PLCB1: variants seen among roughly 807,000 people sequenced by gnomAD.
The protein encoded by PLCB1 is 1-phosphatidylinositol 4,5-bisphosphate phosphodiesterase beta-1.
Under a neutral mutation model 161.8 loss-of-function variants are expected in PLCB1, and 46 were observed. The observed-to-expected ratio is 0.28, with a 90% CI of 0.22 to 0.36. The LOEUF (loss-of-function observed/expected upper bound fraction) is 0.36. Among genes scored for constraint, PLCB1 ranks in the 10% least tolerant of loss-of-function variants. The pLI is 1.00. For missense variants in PLCB1, 1,016 were observed against 1,472.5 expected (o/e 0.69, Z 5.07); for synonymous variants, 517 against 503.7 (o/e 1.03, Z -0.35).
intron 3 of PLCB1, among the ~76,000 whole-genome samples, chr20:8,535,105 TAAAAA>T (rs10560220): frequency 1.4e-4 from 15 of 108,294 alleles, no homozygotes; most frequent in East Asian, 5.4e-4. Flanking sequence ...AGTTTTAAAG[TAAAAA>T]AAAAAAAAAA....
At chr20:8,665,170 A>G (rs1243705115) in intron 9 of PLCB1, among the ~76,000 whole-genome samples, 1 of 152,172 alleles carries the variant, frequency 6.6e-6, no homozygotes. Context: ...TTCAGAAATC[A>G]TTCATTCATT....
intron 9 of PLCB1, among the ~76,000 whole-genome samples, chr20:8,676,407 A>AAG (rs1990076512): frequency 6.7e-6 from 1 of 150,070 alleles, no homozygotes; most frequent in African/African-American, 2.5e-5. Context: ...GAAAGAAAGA[A>AAG]AGAAAGAGAA....
At chr20:8,300,985 C>T (rs1983884503) in intron 2 of PLCB1, among the ~76,000 whole-genome samples, 1 of 152,170 alleles carries the variant, frequency 6.6e-6, no homozygotes, top group Admixed American at 6.6e-5. Flanking sequence ...TGTACCAGTT[C>T]CCGAGGCTGT....
chr20:8,516,572 C>G (rs1374958223), intron 3 of PLCB1, among the ~76,000 whole-genome samples: 1 of 150,346 alleles, frequency 6.7e-6, no homozygotes, highest in African/African-American at 2.4e-5. Flanking sequence ...TCATAACATG[C>G]TAAATAGCCA....
In PLCB1 at chr20:8,883,867, C is replaced by T. The variant is rs1429453621; in HGVS notation, c.*2018C>T. The T allele has an allele frequency of 2.6e-5, 4 of 152,276 alleles. No individual in the cohort carries two copies. The highest frequency in any genetic ancestry group is 2.1e-4 in the South Asian group (1 of 4,818). The allele number at this position is 152,276 out of a possible 1,614,324, so 9.4% of individuals were successfully genotyped here. On this transcript the variant is annotated 3_prime_UTR_variant, in exon 32 of 32. Coordinates refer to ENST00000338037, the MANE Select transcript of PLCB1 (RefSeq NM_015192.4). The stretch of plus-strand genomic sequence containing the variant: ...CTACTTTTGCACTTTGAAAGAAAGG[C>T]GTTAATCATAAAGAAGCAAGAATGG...
intron 3 of PLCB1, among the ~76,000 whole-genome samples, chr20:8,418,778 T>A (rs1979409084): frequency 6.6e-6 from 1 of 152,122 alleles, no homozygotes; most frequent in Admixed American, 6.6e-5. Context: ...GAGGCATGGG[T>A]TGGCTGAAAC....
In PLCB1 at chr20:8,644,676, C is replaced by A. The variant is rs553131474; in HGVS notation, c.385-1426C>A. Among the ~76,000 whole-genome samples the A allele has an allele frequency of 3.4e-5, 5 of 149,020 alleles. No homozygotes were observed. The South Asian group carries it at 1.1e-3, about 33-fold the overall frequency. ...CTGGGAAGTGAGGAGCGTCTCCGCCCGGCAGCCGCCCCGTCCGGGAGGGAG... is the reference window on the plus strand; with the variant it reads ...CTGGGAAGTGAGGAGCGTCTCCGCCAGGCAGCCGCCCCGTCCGGGAGGGAG... On this transcript the variant is annotated intron_variant, in intron 4 of 31. Coordinates refer to ENST00000338037, the MANE Select transcript of PLCB1 (RefSeq NM_015192.4).
chr20:8,750,662 A>G, intron 23 of PLCB1: 1 of 366,116 alleles, frequency 2.7e-6, no homozygotes, highest in Non-Finnish European at 5.3e-6. Context: ...TTTCTTAGAA[A>G]TATGAGGCAG....
chr20:8,167,798 C>T (rs1342730905), intron 2 of PLCB1, among the ~76,000 whole-genome samples: 2 of 152,106 alleles, frequency 1.3e-5, no homozygotes, highest in African/African-American at 2.4e-5. Context: ...TAGCAAACCA[C>T]CCCAAAACTT....
intron 3 of PLCB1, among the ~76,000 whole-genome samples, chr20:8,436,022 C>T (rs1039583076): frequency 6.6e-6 from 1 of 152,144 alleles, no homozygotes; most frequent in Non-Finnish European, 1.5e-5. Flanking sequence ...TTCTCTACTT[C>T]TCTTGGAAGT....
chr20:8,133,294 C>T (rs902145829), intron 1 of PLCB1, among the ~76,000 whole-genome samples: 1 of 152,156 alleles, frequency 6.6e-6, no homozygotes, highest in Non-Finnish European at 1.5e-5. Context: ...TGATGCCAAA[C>T]TTCAGCGCCT....
At chr20:8,194,931 A>G (rs574003462) in intron 2 of PLCB1, among the ~76,000 whole-genome samples, 1 of 152,134 alleles carries the variant, frequency 6.6e-6, no homozygotes, top group African/African-American at 2.4e-5. Flanking sequence ...AAGCAGTGTA[A>G]TAACACCACT....
chr20:8,275,286 T>TGTGTGA (rs773003102), intron 2 of PLCB1, among the ~76,000 whole-genome samples: 28 of 151,724 alleles, frequency 1.8e-4, no homozygotes, highest in African/African-American at 5.6e-4. Context: ...TGTGTGTGTG[T>TGTGTGA]GAAGCGGCAC....
At chr20:8,246,629 T>G (rs1980893765) in intron 2 of PLCB1, among the ~76,000 whole-genome samples, 1 of 151,978 alleles carries the variant, frequency 6.6e-6, no homozygotes, top group Non-Finnish European at 1.5e-5. Flanking sequence ...GCTATTTCAT[T>G]CAGTGTAGGA....
chr20:8,736,122 C>T (rs182384191), intron 19 of PLCB1, among the ~76,000 whole-genome samples: 3 of 152,310 alleles, frequency 2.0e-5, no homozygotes, highest in Non-Finnish European at 4.4e-5. Flanking sequence ...CTTGTAACCA[C>T]ATAACCCAGA....
chr20:8,637,195 C>T (rs1235563464), intron 4 of PLCB1, among the ~76,000 whole-genome samples: 2 of 152,152 alleles, frequency 1.3e-5, no homozygotes, highest in African/African-American at 4.8e-5. Context: ...CACCTACTAC[C>T]TTGATATTGG....
intron 3 of PLCB1, among the ~76,000 whole-genome samples, chr20:8,550,195 G>A (rs889189916): frequency 1.3e-5 from 2 of 152,168 alleles, no homozygotes; most frequent in Middle Eastern, 3.2e-3. Flanking sequence ...GCTGGAATGA[G>A]TTAAGACTTT....
At chr20:8,230,353 C>T (rs1979962938) in intron 2 of PLCB1, among the ~76,000 whole-genome samples, 1 of 152,090 alleles carries the variant, frequency 6.6e-6, no homozygotes, top group Non-Finnish European at 1.5e-5. Context: ...ATAATCAAAT[C>T]AGGGTATTTA....
chr20:8,377,483 G>A (rs1387953934), intron 3 of PLCB1, among the ~76,000 whole-genome samples: 1 of 152,184 alleles, frequency 6.6e-6, no homozygotes, highest in Non-Finnish European at 1.5e-5. Context: ...TCCACTGGTG[G>A]CTGTTGGGAG....
Sources: allele counts gnomAD v4.1 joint callset (sites outside exome capture counted in the v4.1 genomes callset), GRCh38; gene constraint gnomAD v4.1.1; transcripts MANE v1.5; gene names NCBI Gene and HGNC (gene_info 2026-07-23, HGNC 2026-07-21).